GNA12: variants seen among roughly 807,000 people sequenced by gnomAD.
GNA12 encodes guanine nucleotide-binding protein subunit alpha-12.
GNA12 carries 9 observed loss-of-function variants against 26.0 expected under a neutral mutation model. The ratio of observed to expected loss-of-function variants is 0.35; its 90% CI spans 0.21 to 0.60. The LOEUF (loss-of-function observed/expected upper bound fraction) is 0.60. Ranked by LOEUF, GNA12 falls within the 20% of genes least tolerant of loss-of-function variation. GNA12 has a pLI of 0.78. For missense variants in GNA12, 405 were observed against 525.8 expected (o/e 0.77, Z 2.25); for synonymous variants, 264 against 219.6 (o/e 1.20, Z -1.79).
intron 2 of GNA12, among the ~76,000 whole-genome samples, chr7:2,739,697 T>C (rs1463240942): frequency 3.9e-5 from 6 of 152,152 alleles, no homozygotes; most frequent in Non-Finnish European, 5.9e-5. Context: ...TATTTTAAAA[T>C]GGAGTCTCGC....
Position 2,750,434 on chromosome 7 carries a change from C to G in GNA12, c.526-16933G>C, listed in dbSNP as rs531560899. Among the ~76,000 whole-genome samples the G allele has an allele frequency of 6.6e-5, 10 of 152,342 alleles. No homozygotes were observed. The South Asian group carries it at 2.1e-3, about 32-fold the overall frequency. On this transcript the variant is annotated intron_variant, in intron 2 of 3. Coordinates refer to ENST00000275364, the MANE Select transcript of GNA12 (RefSeq NM_007353.3). ...ATCCTCAGGGGACACATGCTGAGAC[C>G]TCAGTGGATGCCTGAAGCCTTGAAT... is the stretch of plus-strand genomic sequence containing the variant.
chr7:2,783,951 C>G (rs575477836), intron 2 of GNA12, among the ~76,000 whole-genome samples: 1 of 152,058 alleles, frequency 6.6e-6, no homozygotes, highest in Admixed American at 6.6e-5. Flanking sequence ...TCCCAAAGTG[C>G]TGGGATTACA....
chr7:2,786,720 G>C (rs1562427686), intron 2 of GNA12, among the ~76,000 whole-genome samples: 1 of 152,192 alleles, frequency 6.6e-6, no homozygotes, highest in African/African-American at 2.4e-5. Context: ...AAGTCAGCTA[G>C]TCCGTGACCA....
intron 2 of GNA12, among the ~76,000 whole-genome samples, chr7:2,757,812 G>A (rs1269095732): frequency 1.3e-5 from 2 of 152,136 alleles, no homozygotes; most frequent in Non-Finnish European, 2.9e-5. Flanking sequence ...CGTACTGAAC[G>A]CTTGCTGAGT....
intron 1 of GNA12, chr7:2,814,868 C>G: frequency 6.2e-7 from 1 of 1,601,640 alleles, no homozygotes; most frequent in African/African-American, 1.3e-5. Context: ...CTCCACAGCA[C>G]TCACTCACAC....
chr7:2,731,328 C>A lies in GNA12; in HGVS notation c.999G>T (p.Gln333His). 1 of 1,614,062 alleles carries A rather than the reference C, an allele frequency of 6.2e-7. No homozygotes were observed. The highest frequency in any genetic ancestry group is 1.7e-4 in the Middle Eastern group (1 of 6,060). ...RLEDVQRYLV[Q>H]CFDRKRRNRS... is the part of the protein sequence containing the mutation. ...GGTTCCGTCTCTTCCTGTCGAAGCACTGGACCAGGTAGCGCTGGACGTCCT... is the reference window on the plus strand; with the variant it reads ...GGTTCCGTCTCTTCCTGTCGAAGCAATGGACCAGGTAGCGCTGGACGTCCT... Residue 333 changes from glutamine (Q) to histidine (H), a missense_variant, in exon 4 of 4, where the codon CAG becomes CAT. Gln to His is a conservative substitution (Grantham distance 24). Transcript: ENST00000275364. The surrounding 1 kb of genome is among the most constrained non-coding windows in gnomAD (Gnocchi z 6.0).
intron 2 of GNA12, among the ~76,000 whole-genome samples, chr7:2,755,688 T>C (rs1362925390): frequency 1.3e-5 from 2 of 152,202 alleles, no homozygotes; most frequent in Non-Finnish European, 2.9e-5. Context: ...ACAGGAACAG[T>C]CATATTTCTT....
chr7:2,813,584 A>C (rs371295482), intron 1 of GNA12, among the ~76,000 whole-genome samples: 22 of 152,318 alleles, frequency 1.4e-4, no homozygotes, highest in Non-Finnish European at 2.6e-4. Context: ...TGGGGAAAAA[A>C]AAACAAACAA....
chr7:2,820,827 C>T (rs982892361), intron 1 of GNA12, among the ~76,000 whole-genome samples: 6 of 152,242 alleles, frequency 3.9e-5, no homozygotes, highest in Non-Finnish European at 8.8e-5. Context: ...AGCTTTCAAG[C>T]TCCTGGACTC....
At chr7:2,836,534 A>G (rs1778843068) in intron 1 of GNA12, among the ~76,000 whole-genome samples, 1 of 152,156 alleles carries the variant, frequency 6.6e-6, no homozygotes, top group South Asian at 2.1e-4. Flanking sequence ...GTACAGAGAA[A>G]AAGAACTCCA....
chr7:2,763,036 A>T (rs1791642413), intron 2 of GNA12: 5 of 1,253,170 alleles, frequency 4.0e-6, no homozygotes, highest in Non-Finnish European at 5.0e-6. Flanking sequence ...CCCAGGACTC[A>T]GCGTGCCGTT....
Position 2,729,788 on chromosome 7 carries a change from G to C in GNA12, c.*1393C>G, listed in dbSNP as rs900333666. On this transcript the variant is annotated 3_prime_UTR_variant, in exon 4 of 4. Transcript: ENST00000275364. The stretch of plus-strand genomic sequence containing the variant: ...CTAGGACACATCCCAAAACACACTA[G>C]GCAGGATTTCTCAGTAGAGTGATAC... The C allele has an allele frequency of 6.6e-6, 1 of 152,394 alleles. No homozygotes were observed. Among genetic ancestry groups the C allele is most frequent in the Non-Finnish European group, 1.5e-5 (1 of 68,066 alleles). 9.4% of individuals were successfully genotyped at this position (152,394 alleles called of 1,614,324 possible).
At chr7:2,836,867 T>C (rs962596147) in intron 1 of GNA12, among the ~76,000 whole-genome samples, 1 of 152,114 alleles carries the variant, frequency 6.6e-6, no homozygotes, top group East Asian at 1.9e-4. Context: ...GAGGTTGCAG[T>C]GAGCCAGGAT....
intron 1 of GNA12, among the ~76,000 whole-genome samples, chr7:2,833,579 G>A (rs1398248939): frequency 6.6e-6 from 1 of 152,182 alleles, no homozygotes; most frequent in Non-Finnish European, 1.5e-5. Context: ...CCCCAAAAAT[G>A]GCCAGAGGAG....
chr7:2,744,567 G>T (rs1257360032), intron 2 of GNA12, among the ~76,000 whole-genome samples: 2 of 152,134 alleles, frequency 1.3e-5, no homozygotes, highest in African/African-American at 4.8e-5. Context: ...CAAAGATGGG[G>T]AAAAAACAGA....
chr7:2,765,795 T>G (rs1323600147), intron 2 of GNA12, among the ~76,000 whole-genome samples: 3 of 151,926 alleles, frequency 2.0e-5, no homozygotes, highest in African/African-American at 7.3e-5. Flanking sequence ...TACACCCAGC[T>G]AATTTTTGTT....
chr7:2,782,391 G>T (rs888767908), intron 2 of GNA12, among the ~76,000 whole-genome samples: 1 of 152,128 alleles, frequency 6.6e-6, no homozygotes, highest in Admixed American at 6.5e-5. Context: ...GGGAGGATTT[G>T]CTACCCATCA....
chr7:2,793,537 C>T (rs1327233891), intron 2 of GNA12, among the ~76,000 whole-genome samples: 1 of 151,988 alleles, frequency 6.6e-6, no homozygotes, highest in African/African-American at 2.4e-5. Flanking sequence ...TATAGCACCT[C>T]TCAGATGATT....
At chr7:2,752,033 C>T (rs1271764408) in intron 2 of GNA12, among the ~76,000 whole-genome samples, 1 of 152,062 alleles carries the variant, frequency 6.6e-6, no homozygotes, top group East Asian at 1.9e-4. Context: ...CCCACACCGA[C>T]AAGATTATCA....
Sources: allele counts gnomAD v4.1 joint callset (sites outside exome capture counted in the v4.1 genomes callset), GRCh38; gene constraint gnomAD v4.1.1; non-coding constraint Gnocchi (gnomAD v3.1); transcripts MANE v1.5; gene names NCBI Gene and HGNC (gene_info 2026-07-23, HGNC 2026-07-21).